Variants in TBC1D4 observed in about 807,000 individuals in gnomAD.
TBC1D4 encodes the protein TBC (Tre-2, BUB2, CDC16) domain-containing protein.
In TBC1D4, 121 loss-of-function variants were observed where a neutral mutation model predicts 142.5. The ratio of observed to expected loss-of-function variants is 0.85; its 90% confidence interval spans 0.73 to 0.99. The LOEUF is 0.99. TBC1D4 is among the 50% of genes least tolerant of loss of function. The pLI, the probability that TBC1D4 is intolerant of heterozygous loss-of-function variation, is 0.00. For synonymous variants in TBC1D4, 630 were observed against 628.2 expected (o/e 1.00, Z -0.04); for missense variants, 1,475 against 1,606.6 (o/e 0.92, Z 1.40).
chr13:75,419,481 T>C (rs1886069234), intron 1 of TBC1D4, among the ~76,000 whole-genome samples: 1 of 152,198 alleles, frequency 6.6e-6, no homozygotes, highest in Non-Finnish European at 1.5e-5. Flanking sequence ...AATATGTGAG[T>C]TCTGATGAGG....
chr13:75,287,123 A>T (rs1258758246), intron 20 of TBC1D4, 98 bp from the exon 21 acceptor site: 5 of 1,011,690 alleles, frequency 4.9e-6, no homozygotes, highest in Non-Finnish European at 7.6e-6. Context: ...TACTTAATAA[A>T]ATATTATGTG....
At chr13:75,331,064 T>C (rs1233003038) in intron 8 of TBC1D4, among the ~76,000 whole-genome samples, 1 of 152,192 alleles carries the variant, frequency 6.6e-6, no homozygotes, top group Non-Finnish European at 1.5e-5. Context: ...CAAGCTTTTT[T>C]TGTGCACAAA....
intron 5 of TBC1D4, among the ~76,000 whole-genome samples, 167 bp from the exon 6 acceptor site, chr13:75,341,754 T>C (rs576959806): frequency 3.3e-5 from 5 of 152,338 alleles, no homozygotes; most frequent in South Asian, 2.1e-4. Context: ...ATTGAAATGA[T>C]TAAAACTAGA....
intron 2 of TBC1D4, among the ~76,000 whole-genome samples, chr13:75,361,550 T>A (rs557072525): frequency 1.1e-4 from 16 of 152,232 alleles, no homozygotes; most frequent in Admixed American, 5.9e-4. Flanking sequence ...CCGGCTAATT[T>A]TTGTTTTTTA....
At chr13:75,334,276 A>G (rs951645759) in intron 8 of TBC1D4, among the ~76,000 whole-genome samples, 2 of 151,980 alleles carry the variant, frequency 1.3e-5, no homozygotes, top group Non-Finnish European at 2.9e-5. Context: ...ATGACACGTC[A>G]CCATTTTTCT....
chr13:75,446,130 G>A (rs1208234504), intron 1 of TBC1D4, among the ~76,000 whole-genome samples: 1 of 152,176 alleles, frequency 6.6e-6, no homozygotes, highest in Non-Finnish European at 1.5e-5. Flanking sequence ...GCAGAGGGGA[G>A]ATTAATTTTC....
intron 1 of TBC1D4, among the ~76,000 whole-genome samples, chr13:75,391,999 C>A (rs1884515698): frequency 6.6e-6 from 1 of 152,174 alleles, no homozygotes; most frequent in Non-Finnish European, 1.5e-5. Flanking sequence ...ATTTCTTTTT[C>A]TCAGTCCTTC....
intron 4 of TBC1D4, among the ~76,000 whole-genome samples, chr13:75,351,276 C>T (rs972029973): frequency 3.3e-5 from 5 of 152,012 alleles, no homozygotes; most frequent in Non-Finnish European, 7.4e-5. Flanking sequence ...GTCTAAGAAT[C>T]ACAGGATGTG....
chr13:75,349,710 A>G (rs1043093625), intron 4 of TBC1D4, among the ~76,000 whole-genome samples: 12 of 152,242 alleles, frequency 7.9e-5, no homozygotes, highest in Non-Finnish European at 1.2e-4. Context: ...CACTTTGTTA[A>G]TAGGTATCCT....
At chr13:75,351,928 C>A (rs1271296120) in intron 4 of TBC1D4, among the ~76,000 whole-genome samples, 1 of 152,134 alleles carries the variant, frequency 6.6e-6, no homozygotes, top group Admixed American at 6.6e-5. Context: ...AAGTGTTCTC[C>A]ATATTTGTTA....
At chr13:75,324,097 A>G (rs1196302605) in intron 11 of TBC1D4, 140 bp downstream of exon 11, 1 of 976,120 alleles carries the variant, frequency 1.0e-6, no homozygotes, top group Non-Finnish European at 1.6e-6. Context: ...ATTGAAACCA[A>G]TATATTAGAA....
chr13:75,286,716 T>C lies in TBC1D4; in HGVS notation c.*76A>G, dbSNP rs1292206775. 2.1e-6 allele frequency: 3 copies of C among 1,458,778 alleles called. No individual in the cohort carries two copies. Among genetic ancestry groups the C allele is most frequent in the South Asian group, 2.4e-5 (2 of 83,366 alleles). 90.4% of individuals were successfully genotyped at this position (1,458,778 alleles called of 1,614,324 possible). ...TTCCATCAGCTTCAGGGTCCAGCCTTGGGCCAGCGACATGCAGGCTCTTCC... is the reference window on the plus strand; with the variant it reads ...TTCCATCAGCTTCAGGGTCCAGCCTCGGGCCAGCGACATGCAGGCTCTTCC... On this transcript the variant is annotated 3_prime_UTR_variant, in exon 21 of 21. Coordinates refer to ENST00000377636, the MANE Select transcript of TBC1D4 (RefSeq NM_014832.5).
At chr13:75,417,086 A>G (rs1447602622) in intron 1 of TBC1D4, among the ~76,000 whole-genome samples, 4 of 152,148 alleles carry the variant, frequency 2.6e-5, no homozygotes, top group Non-Finnish European at 5.9e-5. Flanking sequence ...GTCCACTGTT[A>G]GCAGGAAAAG....
chr13:75,422,442 A>G (rs1362046073), intron 1 of TBC1D4, among the ~76,000 whole-genome samples: 1 of 152,234 alleles, frequency 6.6e-6, no homozygotes, highest in African/African-American at 2.4e-5. Flanking sequence ...CTCTGGTATC[A>G]AGCAAAAAGT....
At chr13:75,326,616 G>A (rs1048963192) in intron 9 of TBC1D4, among the ~76,000 whole-genome samples, 193 bp from the exon 10 acceptor site, 1 of 152,162 alleles carries the variant, frequency 6.6e-6, no homozygotes, top group East Asian at 1.9e-4. Context: ...CTTCTGATAA[G>A]CAGCTGTAAT....
In TBC1D4 at chr13:75,310,157, GAGA is replaced by G. The variant is rs751242204; in HGVS notation, c.2384-9_2384-7del. ...CTCGTTCCTGTCCAATCCATCTGCA[GAGA>G]AGAACACAGTGAGAGGCATTCCTTA... On this transcript the variant is annotated splice_region_variant and splice_polypyrimidine_tract_variant and intron_variant, in intron 13 of 20. Transcript: ENST00000377636. 6.2e-7 allele frequency: 1 copy of G among 1,612,652 alleles called. No individual in the cohort carries two copies. Among genetic ancestry groups the G allele is most frequent in the Non-Finnish European group, 8.5e-7 (1 of 1,179,300 alleles).
intron 8 of TBC1D4, among the ~76,000 whole-genome samples, chr13:75,336,697 C>T (rs752888423): frequency 6.6e-6 from 1 of 152,034 alleles, no homozygotes; most frequent in Non-Finnish European, 1.5e-5. Flanking sequence ...GCTGAGATCT[C>T]ACCACTGCAC....
intron 5 of TBC1D4, 23 bp from the exon 6 acceptor site, chr13:75,341,610 G>T (rs1480708531): frequency 1.3e-6 from 2 of 1,569,270 alleles, no homozygotes; most frequent in East Asian, 2.2e-5. Flanking sequence ...ATGAGGGAAG[G>T]TATTAAACAG....
intron 1 of TBC1D4, among the ~76,000 whole-genome samples, chr13:75,419,926 T>C (rs941490591): frequency 6.6e-6 from 1 of 152,150 alleles, no homozygotes; most frequent in Admixed American, 6.5e-5. Context: ...GCAAAAAAAG[T>C]TTCTGGAAGG....
Sources: gnomAD v4.1 joint callset for allele counts (sites outside exome capture counted in the v4.1 genomes callset) on GRCh38, gnomAD v4.1.1 for gene constraint, MANE v1.5 for transcripts, NCBI Gene and HGNC (gene_info 2026-07-23, HGNC 2026-07-21) for gene names.